Variants in PPHLN1 observed in about 807,000 individuals in gnomAD.
The protein encoded by PPHLN1 is periphilin 1.
Under a neutral mutation model 51.3 loss-of-function variants are expected in PPHLN1, and 29 were observed. The observed-to-expected ratio is 0.57, with a 90% CI of 0.42 to 0.77. The LOEUF (loss-of-function observed/expected upper bound fraction) is 0.77, where lower values mean the gene tolerates loss of function less well. Ranked by LOEUF, PPHLN1 falls within the 30% of genes least tolerant of loss-of-function variation. The pLI, the probability that PPHLN1 is intolerant of heterozygous loss-of-function variation, is 0.00. For missense variants in PPHLN1, 436 were observed against 438.4 expected (o/e 0.99, Z 0.05); for synonymous variants, 147 against 147.8 (o/e 0.99, Z 0.04).
chr12:42,367,172 C>G (rs1480235257), intron 4 of PPHLN1, among the ~76,000 whole-genome samples: 1 of 152,212 alleles, frequency 6.6e-6, no homozygotes, highest in East Asian at 1.9e-4. Context: ...AAGAATTCCA[C>G]TAATCCGTAA....
At chr12:42,364,320 C>T (rs758217328) in intron 4 of PPHLN1, among the ~76,000 whole-genome samples, 60 of 151,542 alleles carry the variant, frequency 4.0e-4, no homozygotes, top group Non-Finnish European at 7.1e-4. Context: ...CATCAAGTGG[C>T]CAATATACTT....
chr12:42,400,790 TCTCTC>T (rs1565944380), intron 9 of PPHLN1, among the ~76,000 whole-genome samples: 29 of 136,886 alleles, frequency 2.1e-4, no homozygotes, highest in African/African-American at 2.2e-4. Context: ...TCTCTCTCTC[TCTCTC>T]TTTCACACAC....
Position 42,378,598 on chromosome 12 carries a change from A to C in PPHLN1, c.511+3524A>C, listed in dbSNP as rs1389542595. ...AAAATAATTATGCCCTCATTAAAAA[A>C]AATTAATTTTTTCCTTTTTGTTCAT... is the stretch of plus-strand genomic sequence containing the variant. On this transcript the variant is annotated intron_variant, in intron 5 of 9. Coordinates refer to ENST00000358314, the MANE Select transcript of PPHLN1 (RefSeq NM_201439.2). Among the ~76,000 whole-genome samples the C allele has an allele frequency of 9.9e-5, 15 of 152,270 alleles. No individual in the cohort carries two copies. In the South Asian group the frequency reaches 2.9e-3, roughly 29 times the overall value.
chr12:42,380,258 A>G (rs909910102), intron 5 of PPHLN1, among the ~76,000 whole-genome samples: 5 of 152,074 alleles, frequency 3.3e-5, no homozygotes, highest in African/African-American at 1.2e-4. Flanking sequence ...GTTGAATTTT[A>G]AAATACTTTT....
chr12:42,336,435 T>C (rs2070681262), intron 2 of PPHLN1, among the ~76,000 whole-genome samples: 1 of 152,200 alleles, frequency 6.6e-6, no homozygotes, highest in African/African-American at 2.4e-5. Context: ...ATATCCCTTG[T>C]TAGGATTCCT....
At chr12:42,376,527 C>T (rs1339935262) in intron 5 of PPHLN1, among the ~76,000 whole-genome samples, 1 of 152,208 alleles carries the variant, frequency 6.6e-6, no homozygotes, top group East Asian at 1.9e-4. Context: ...CAGCTCATGC[C>T]TGTAATCCTT....
At chr12:42,388,357 G>T (rs930900017) in intron 7 of PPHLN1, among the ~76,000 whole-genome samples, 3 of 152,186 alleles carry the variant, frequency 2.0e-5, no homozygotes, top group African/African-American at 7.2e-5. Context: ...CCACTGAGAT[G>T]TTTGGGCGGA....
chr12:42,420,620 G>T (rs2080903874), intron 9 of PPHLN1, among the ~76,000 whole-genome samples: 1 of 149,088 alleles, frequency 6.7e-6, no homozygotes, highest in Admixed American at 6.7e-5. Flanking sequence ...ACAAGTGTGT[G>T]CCACCACACC....
chr12:42,345,617 A>G (rs1026694641), intron 2 of PPHLN1, among the ~76,000 whole-genome samples: 26 of 150,606 alleles, frequency 1.7e-4, no homozygotes, highest in Non-Finnish European at 3.1e-4. Context: ...ATATGTAGAT[A>G]TATATTAATA....
chr12:42,360,639 C>T (rs189445048), intron 4 of PPHLN1, among the ~76,000 whole-genome samples: 77 of 151,710 alleles, frequency 5.1e-4, no homozygotes, highest in Admixed American at 4.8e-3. Context: ...GGACTACAGG[C>T]GTGTGCCACC....
chr12:42,414,161 A>C (rs946040689), intron 9 of PPHLN1, among the ~76,000 whole-genome samples: 1 of 151,864 alleles, frequency 6.6e-6, no homozygotes, highest in Non-Finnish European at 1.5e-5. Flanking sequence ...CTGTCTCCCG[A>C]GTAGCTGGGA....
At chr12:42,403,560 T>C (rs557055836) in intron 9 of PPHLN1, among the ~76,000 whole-genome samples, 1 of 152,342 alleles carries the variant, frequency 6.6e-6, no homozygotes, top group South Asian at 2.1e-4. Flanking sequence ...TAAAGGTAAT[T>C]TAGTTATTTT....
At chr12:42,372,544 A>G (rs368364850) in intron 4 of PPHLN1, among the ~76,000 whole-genome samples, 1 of 152,200 alleles carries the variant, frequency 6.6e-6, no homozygotes, top group Non-Finnish European at 1.5e-5. Flanking sequence ...CTTGGCTTCC[A>G]TGATAAATGC....
chr12:42,341,043 TG>T (rs1228732246), intron 2 of PPHLN1, among the ~76,000 whole-genome samples: 1 of 150,410 alleles, frequency 6.6e-6, no homozygotes, highest in Non-Finnish European at 1.5e-5. Flanking sequence ...TGCAGTGGCA[TG>T]ATCTCAGCTC....
At chr12:42,355,101 T>G (rs534185283) in intron 3 of PPHLN1, 60 bp from the exon 4 acceptor site, 1 of 1,482,624 alleles carries the variant, frequency 6.7e-7, no homozygotes, top group Admixed American at 1.7e-5. Flanking sequence ...TATTGTTAGA[T>G]ATGTCCCACT....
intron 1 of PPHLN1, among the ~76,000 whole-genome samples, chr12:42,327,195 A>G (rs2068928018): frequency 1.3e-5 from 2 of 152,156 alleles, no homozygotes; most frequent in African/African-American, 4.8e-5. Flanking sequence ...GACTTAGGCT[A>G]TCACTGCTTC....
intron 9 of PPHLN1, among the ~76,000 whole-genome samples, chr12:42,410,753 G>A (rs1035382926): frequency 6.6e-6 from 1 of 152,220 alleles, no homozygotes; most frequent in Non-Finnish European, 1.5e-5. Context: ...CAGCCAGGCT[G>A]TAATGGTTTT....
At chr12:42,401,274 G>A (rs1326377130) in intron 9 of PPHLN1, among the ~76,000 whole-genome samples, 6 of 152,124 alleles carry the variant, frequency 3.9e-5, no homozygotes, top group African/African-American at 1.4e-4. Context: ...AGAAGGACGA[G>A]TCTCTCTCTT....
At chr12:42,371,619 CT>C in intron 4 of PPHLN1, among the ~76,000 whole-genome samples, 1 of 152,204 alleles carries the variant, frequency 6.6e-6, no homozygotes, top group Non-Finnish European at 1.5e-5. Flanking sequence ...TTCCCACCAT[CT>C]AAATCTATGC....
Sources: allele counts gnomAD v4.1 joint callset (sites outside exome capture counted in the v4.1 genomes callset), GRCh38; gene constraint gnomAD v4.1.1; transcripts MANE v1.5; gene names NCBI Gene and HGNC (gene_info 2026-07-23, HGNC 2026-07-21).